The following RIPK1 variants were observed in gnomAD, a reference collection of about 807,000 sequenced individuals.
RIPK1 encodes the protein receptor interacting serine/threonine kinase 1, also known as receptor-interacting serine/threonine-protein kinase 1.
In RIPK1, 27 loss-of-function variants were observed where a neutral mutation model predicts 62.4. The ratio of observed to expected loss-of-function variants is 0.43; its 90% CI spans 0.32 to 0.60. RIPK1 has a LOEUF of 0.60. Among genes scored for constraint, RIPK1 ranks in the 20% least tolerant of loss-of-function variants. The pLI is 0.07. For synonymous variants in RIPK1, 287 were observed against 303.2 expected, an observed-to-expected ratio of 0.95 and a Z score of 0.55; for missense variants, 735 against 831.0, an observed-to-expected ratio of 0.88 and a Z score of 1.42.
rs984247867 is a variant in RIPK1 at position 3,073,228 on chromosome 6, CAT to C, written c.-60-3532_-60-3531del. 1.3e-3 allele frequency among the ~76,000 whole-genome samples: 179 copies of C among 138,808 alleles called. 1 individual carries two copies. Among genetic ancestry groups the C allele is most frequent in the Middle Eastern group, 7.6e-3 (2 of 264 alleles). The allele number at this position is 138,808 out of a possible 152,430, so 91.1% of individuals were successfully genotyped here. A position where few individuals can be genotyped will look rare whatever the true frequency, so the allele number is the denominator to read the frequency against. On this transcript the variant is annotated intron_variant, in intron 1 of 10. Transcript: ENST00000259808. The stretch of plus-strand genomic sequence containing the variant: ...ATACAAATATGTGTATATATACACA[CAT>C]ATACATTTTTATATCATATATTATA...
upstream of RIPK1, among the ~76,000 whole-genome samples, chr6:3,067,519 A>G (rs948723690): frequency 6.6e-6 from 1 of 152,084 alleles, no homozygotes; most frequent in African/African-American, 2.4e-5. Context: ...ATGCATATAC[A>G]TATGGTGAGG....
chr6:3,101,652 A>G (rs1420946698), intron 7 of RIPK1, among the ~76,000 whole-genome samples: 1 of 152,204 alleles, frequency 6.6e-6, no homozygotes, highest in Non-Finnish European at 1.5e-5. Context: ...TTGAAGGAAA[A>G]ATACCAAAGT....
Position 3,085,241 on chromosome 6 carries a change from A to T in RIPK1, c.689-18A>T, listed in dbSNP as rs1759625883. ...CTGAGAGAGGAGCAAGACCTGAAAG[A>T]AAGTCTTTGCTTTGTAGATGCTATC... On this transcript the variant is annotated intron_variant, in intron 5 of 10. Coordinates refer to ENST00000259808, the MANE Select transcript of RIPK1 (RefSeq NM_001354930.2). The T allele has an allele frequency of 1.9e-6, 3 of 1,613,814 alleles. No homozygotes were observed. Among genetic ancestry groups the T allele is most frequent in the Admixed American group, 1.7e-5 (1 of 60,000 alleles).
At chr6:3,082,901 G>A (rs576150572) in intron 4 of RIPK1, among the ~76,000 whole-genome samples, 184 bp from the exon 5 acceptor site, 1 of 152,284 alleles carries the variant, frequency 6.6e-6, no homozygotes, top group Non-Finnish European at 1.5e-5. Context: ...TTTACAAATG[G>A]CTGAGGAGAC....
At chr6:3,078,723 C>T (rs1019718018) in intron 3 of RIPK1, among the ~76,000 whole-genome samples, 1 of 152,180 alleles carries the variant, frequency 6.6e-6, no homozygotes, top group African/African-American at 2.4e-5. Context: ...GGCAACAACA[C>T]TGGATAGGAT....
chr6:3,113,427 G>A lies in RIPK1; in HGVS notation c.*88G>A. 7.8e-7 allele frequency: 1 copy of A among 1,281,328 alleles called. No individual in the cohort carries two copies. Among genetic ancestry groups the A allele is most frequent in the East Asian group, 2.5e-5 (1 of 40,750 alleles). The allele number at this position is 1,281,328 out of a possible 1,614,324, so 79.4% of individuals were successfully genotyped here. On this transcript the variant is annotated 3_prime_UTR_variant, in exon 11 of 11. Transcript: ENST00000259808. This position sits in a 1 kb window ranked among gnomAD's most constrained non-coding sequence, Gnocchi z 5.0. ...GCTGCCTCAGAGCATTCAGAATTCT[G>A]TCCTCACTGATAGGGGTTCTGTGTC...
intron 7 of RIPK1, among the ~76,000 whole-genome samples, chr6:3,101,128 A>T (rs1760569023): frequency 1.3e-5 from 2 of 152,142 alleles, no homozygotes; most frequent in South Asian, 4.2e-4. Context: ...AAACACAAAA[A>T]TTAGCCAAGC....
chr6:3,066,745 CAT>C (rs962788741), upstream of RIPK1, among the ~76,000 whole-genome samples: 1 of 152,102 alleles, frequency 6.6e-6, no homozygotes, highest in African/African-American at 2.4e-5. Context: ...ATGGATAAAA[CAT>C]ATACATTATC....
intron 9 of RIPK1, among the ~76,000 whole-genome samples, chr6:3,110,269 C>T (rs551996054): frequency 5.3e-4 from 77 of 146,630 alleles, no homozygotes; most frequent in South Asian, 1.1e-3. Flanking sequence ...TGCAGTGGCA[C>T]GATCTTGGCT....
chr6:3,064,814 C>T (rs759135154), upstream of RIPK1, among the ~76,000 whole-genome samples: 2 of 152,052 alleles, frequency 1.3e-5, no homozygotes, highest in Non-Finnish European at 2.9e-5. Context: ...TCAGGATGGC[C>T]AGAGGTGGAG....
intron 1 of RIPK1, among the ~76,000 whole-genome samples, chr6:3,073,333 A>G (rs1489302656): frequency 1.3e-5 from 2 of 151,632 alleles, no homozygotes; most frequent in Admixed American, 1.3e-4. Flanking sequence ...TTTTCTCATA[A>G]TCCTTACCAC....
At chr6:3,068,837 C>A in intron 1 of RIPK1, 176 bp downstream of exon 1, 1 of 232,450 alleles carries the variant, frequency 4.3e-6, no homozygotes, top group Non-Finnish European at 7.1e-6. Flanking sequence ...GGCCTCCAGA[C>A]GTTTGCCGCG....
chr6:3,076,894 A>C lies in RIPK1; in HGVS notation c.71A>C (p.Asp24Ala). Residue 24 changes from aspartate (D) to alanine (A), a missense_variant, in exon 2 of 11, where the codon GAC becomes GCC. By Grantham distance (126) the Asp-to-Ala change is moderately radical (BLOSUM62 -2). Around this residue, in one of 2 missense-constraint regions of RIPK1, gnomAD observed 671 missense variants for 726.2 expected, o/e 0.92. Transcript: ENST00000259808. ...SSDFLESAEL[D>A]SGGFGKVSLC... is the part of the protein sequence containing the mutation. ...GACTTCCTGGAGAGTGCAGAACTGGACAGCGGAGGCTTTGGGAAGGTGTCT... is the reference window on the plus strand; with the variant it reads ...GACTTCCTGGAGAGTGCAGAACTGGCCAGCGGAGGCTTTGGGAAGGTGTCT... 5.0e-6 allele frequency: 8 copies of C among 1,611,460 alleles called. No homozygotes were observed. Among genetic ancestry groups the C allele is most frequent in the Non-Finnish European group, 6.8e-6 (8 of 1,178,032 alleles).
intron 7 of RIPK1, among the ~76,000 whole-genome samples, chr6:3,090,762 G>A (rs117866717): frequency 0.014 from 2,082 of 150,442 alleles, 41 homozygotes; most frequent in East Asian, 0.055. Context: ...TAACCGCAGC[G>A]CACCTACCTG....
intron 5 of RIPK1, among the ~76,000 whole-genome samples, chr6:3,084,482 C>T (rs1759583348): frequency 6.6e-6 from 1 of 152,064 alleles, no homozygotes; most frequent in Non-Finnish European, 1.5e-5. Flanking sequence ...TGGAGTCCTC[C>T]TCCTTAAGTC....
intron 1 of RIPK1, among the ~76,000 whole-genome samples, chr6:3,073,152 A>G (rs553124768): frequency 6.6e-6 from 1 of 152,086 alleles, no homozygotes; most frequent in Admixed American, 6.5e-5. Flanking sequence ...ACGTATATAC[A>G]CATAGACAAA....
rs763047026 is a variant in RIPK1 at position 3,077,943 on chromosome 6, G to A, written c.321+8G>A. 1 of 1,613,216 alleles carries A rather than the reference G, an allele frequency of 6.2e-7. No homozygotes were observed. The highest frequency in any genetic ancestry group is 1.3e-5 in the African/African-American group (1 of 74,936). ...CACGTGCTGAAAGCCGAGGTAGAGA[G>A]GGCCCCTCCGCACGGGGATCCCCAG... On this transcript the variant is annotated splice_region_variant and intron_variant, in intron 3 of 10. Transcript: ENST00000259808.
At chr6:3,075,580 G>C (rs1169760215) in intron 1 of RIPK1, among the ~76,000 whole-genome samples, 6 of 152,194 alleles carry the variant, frequency 3.9e-5, no homozygotes, top group Non-Finnish European at 8.8e-5. Flanking sequence ...AGTGCTGCTT[G>C]CTGTAGCTGC....
chr6:3,074,232 T>G (rs559330898), intron 1 of RIPK1, among the ~76,000 whole-genome samples: 1 of 152,332 alleles, frequency 6.6e-6, no homozygotes, highest in East Asian at 1.9e-4. Context: ...GCCAGTGTTC[T>G]TTTTCTGACA....
Sources: gnomAD v4.1 joint callset for allele counts (sites outside exome capture counted in the v4.1 genomes callset) on GRCh38, gnomAD v4.1.1 for gene constraint, gnomAD v4.1.1 regional missense constraint, Gnocchi (gnomAD v3.1) non-coding constraint, MANE v1.5 for transcripts, NCBI Gene and HGNC (gene_info 2026-07-23, HGNC 2026-07-21) for gene names.